MYO6: variants seen among roughly 807,000 people sequenced by gnomAD.
The protein encoded by MYO6 is unconventional myosin-VI.
Under a neutral mutation model 178.7 loss-of-function variants are expected in MYO6, and 74 were observed. That is an observed-to-expected ratio of 0.41 (90% CI 0.34 to 0.50). MYO6 has a LOEUF of 0.50. Among genes scored for constraint, MYO6 ranks in the 20% least tolerant of loss-of-function variants. The probability of loss-of-function intolerance (pLI) is 0.09; values close to 1 mark genes in which losing one functional copy is unlikely to be tolerated. For missense variants in MYO6, 1,330 were observed against 1,547.4 expected (o/e 0.86, Z 2.36); for synonymous variants, 477 against 504.6 (o/e 0.95, Z 0.73).
intron 1 of MYO6, among the ~76,000 whole-genome samples, chr6:75,809,245 T>C (rs1361784319): frequency 6.6e-6 from 1 of 152,180 alleles, no homozygotes; most frequent in African/African-American, 2.4e-5. Flanking sequence ...GGCTTAGTGA[T>C]GTTGGGGTTC....
At chr6:75,904,847 A>G (rs1045033201) in intron 30 of MYO6, among the ~76,000 whole-genome samples, 1 of 151,874 alleles carries the variant, frequency 6.6e-6, no homozygotes, top group Non-Finnish European at 1.5e-5. Context: ...TTTCTTCCCC[A>G]TCTTTGTGGT....
Position 75,857,227 on chromosome 6 carries a change from A to G in MYO6, c.1354A>G (p.Ile452Val). The change falls in exon 13 of 35, where the codon ATT (isoleucine) becomes GTT (valine). Residue 452 changes from isoleucine (I) to valine (V), a missense_variant. Ile to Val is a conservative substitution (Grantham distance 29). Transcript: ENST00000369977. ...CFPFETSSYF[I>V]GVLDIAGFEY... ...TCCTTTTGAAACATCATCCTATTTT[A>G]TTGGAGTCCTAGATATTGCTGGTTT... The G allele has an allele frequency of 6.2e-7, 1 of 1,613,830 alleles. No individual in the cohort carries two copies. The highest frequency in any genetic ancestry group is 8.5e-7 in the Non-Finnish European group (1 of 1,179,810).
intron 9 of MYO6, among the ~76,000 whole-genome samples, chr6:75,844,611 T>C (rs1237179471): frequency 6.6e-6 from 1 of 152,150 alleles, no homozygotes; most frequent in Non-Finnish European, 1.5e-5. Flanking sequence ...TGAAAAGATA[T>C]AAAATTGTTG....
chr6:75,825,451 A>C (rs935345313), intron 3 of MYO6, among the ~76,000 whole-genome samples: 8 of 152,002 alleles, frequency 5.3e-5, no homozygotes, highest in African/African-American at 1.9e-4. Flanking sequence ...AAATTAGTTG[A>C]GCATGGTGGT....
intron 1 of MYO6, among the ~76,000 whole-genome samples, chr6:75,810,821 G>T (rs1439754144): frequency 1.3e-5 from 2 of 152,192 alleles, no homozygotes; most frequent in Non-Finnish European, 2.9e-5. Context: ...AGGCCTCAGA[G>T]GAGCCTAATT....
At chr6:75,907,250 C>T (rs1486344159) in intron 30 of MYO6, among the ~76,000 whole-genome samples, 1 of 152,106 alleles carries the variant, frequency 6.6e-6, no homozygotes, top group Admixed American at 6.6e-5. Flanking sequence ...TTGAGGATTT[C>T]TTTCTTGATT....
chr6:75,849,860 T>C lies in MYO6; in HGVS notation c.1078+1329T>C, dbSNP rs953616815. On this transcript the variant is annotated intron_variant, in intron 11 of 34. Coordinates refer to ENST00000369977, the MANE Select transcript of MYO6 (RefSeq NM_004999.4). ...TTTACTTTATGACCTTGCAGCGGCT[T>C]GGCAAAGGAGACGGGAATTTACGGG... 3.3e-5 allele frequency among the ~76,000 whole-genome samples: 5 copies of C among 152,162 alleles called. No individual in the cohort carries two copies. The South Asian group carries it at 6.2e-4, about 19-fold the overall frequency.
intron 1 of MYO6, among the ~76,000 whole-genome samples, chr6:75,780,176 C>T (rs1263528298): frequency 2.0e-5 from 3 of 152,186 alleles, no homozygotes; most frequent in Admixed American, 6.6e-5. Flanking sequence ...CGCAGTGGCT[C>T]ATGCCTGTAA....
intron 1 of MYO6, among the ~76,000 whole-genome samples, chr6:75,785,196 AT>A (rs756698106): frequency 5.3e-5 from 8 of 152,162 alleles, no homozygotes; most frequent in Admixed American, 1.3e-4. Flanking sequence ...AGAGGAATGA[AT>A]TTAGTATAAT....
rs201818332 is a variant in MYO6, at chr6:75,757,884, G to GT, written c.-48+8470dup. Among the ~76,000 whole-genome samples the GT allele has an allele frequency of 6.3e-3, 893 of 140,940 alleles. 22 individuals carry two copies. In the East Asian group the frequency reaches 0.077, roughly 12 times the overall value. The allele number at this position is 140,940 out of a possible 152,430, so 92.5% of individuals were successfully genotyped here. A position where few individuals can be genotyped will look rare whatever the true frequency, so the allele number is the denominator to read the frequency against. ...CATTCATTATTATTGTTGTTACTGTGTTTTTTTTTGTCATGTTTAATGTGG... is the reference window on the plus strand; with the variant it reads ...CATTCATTATTATTGTTGTTACTGTGTTTTTTTTTTGTCATGTTTAATGTGG... On this transcript the variant is annotated intron_variant, in intron 1 of 34. Coordinates refer to ENST00000369977, the MANE Select transcript of MYO6 (RefSeq NM_004999.4).
chr6:75,830,186 G>A (rs1268956465), intron 4 of MYO6, among the ~76,000 whole-genome samples: 6 of 152,060 alleles, frequency 3.9e-5, no homozygotes, highest in Non-Finnish European at 7.4e-5. Context: ...TGGATATGCC[G>A]AACTAAAGGT....
At chr6:75,821,587 C>G (rs1230043328) in intron 2 of MYO6, among the ~76,000 whole-genome samples, 1 of 151,422 alleles carries the variant, frequency 6.6e-6, no homozygotes, top group Non-Finnish European at 1.5e-5. Context: ...TGAGGTAGTC[C>G]CAGCAGCGTG....
intron 1 of MYO6, among the ~76,000 whole-genome samples, chr6:75,751,216 G>A (rs985482056): frequency 2.0e-5 from 3 of 152,090 alleles, no homozygotes; most frequent in African/African-American, 7.2e-5. Context: ...ACGTTACGCA[G>A]GAATTGCATC....
At position 75,835,950 on chromosome 6, in the gene MYO6, G is replaced by T; in HGVS notation, c.547G>T (p.Val183Phe). Residue 183 changes from valine to phenylalanine, a missense_variant, in exon 7 of 35, where the codon GTT becomes TTT. Physicochemically the swap from Val to Phe is conservative, Grantham distance 50 (BLOSUM62 -1). This residue lies in a region of MYO6 where 613 missense variants were observed against 816.8 expected (regional missense o/e 0.75). Transcript: ENST00000369977. Reference protein sequence around the residue: ...GTGQDIDDRIVEANPLLEAFG... With the variant: ...GTGQDIDDRIFEANPLLEAFG... ...AGGTCAAGATATTGATGACAGAATTGTTGAAGGTATTGCTAATTTTTCAGT... is the reference window on the plus strand; with the variant it reads ...AGGTCAAGATATTGATGACAGAATTTTTGAAGGTATTGCTAATTTTTCAGT... The T allele has an allele frequency of 6.2e-7, 1 of 1,606,294 alleles. No homozygotes were observed.
chr6:75,843,182 T>C (rs937385895), intron 9 of MYO6, among the ~76,000 whole-genome samples: 3 of 152,216 alleles, frequency 2.0e-5, no homozygotes, highest in African/African-American at 7.2e-5. Flanking sequence ...CCTCTGGTTA[T>C]AATTGAGAGA....
rs576162582 is a variant in MYO6, at chr6:75,782,208, A to T, written c.-48+32785A>T. On this transcript the variant is annotated intron_variant, in intron 1 of 34. Transcript: ENST00000369977. ...GTGCTGGGGATTTTGTTTGAATTTA[A>T]TGATAGACCAAAATGCAATTACTGT... is the stretch of plus-strand genomic sequence containing the variant. Among the ~76,000 whole-genome samples the T allele has an allele frequency of 8.7e-4, 133 of 152,270 alleles. 1 individual carries two copies. The highest frequency in any genetic ancestry group is 3.1e-3 in the African/African-American group (129 of 41,554).
chr6:75,847,477 T>G (rs1177884281), intron 10 of MYO6, among the ~76,000 whole-genome samples: 1 of 151,954 alleles, frequency 6.6e-6, no homozygotes, highest in Admixed American at 6.6e-5. Context: ...CCAGTAACTT[T>G]TATGTTTCTC....
chr6:75,805,802 C>A (rs1039129186), intron 1 of MYO6, among the ~76,000 whole-genome samples: 15 of 151,896 alleles, frequency 9.9e-5, no homozygotes, highest in Non-Finnish European at 2.1e-4. Flanking sequence ...TTATTTTTTT[C>A]TTTTAGTATT....
intron 1 of MYO6, among the ~76,000 whole-genome samples, chr6:75,782,076 A>G (rs1269728296): frequency 6.6e-6 from 1 of 152,116 alleles, no homozygotes; most frequent in Non-Finnish European, 1.5e-5. Context: ...TGAGTCATAT[A>G]AAGTATGGGC....
Sources: allele counts gnomAD v4.1 joint callset (sites outside exome capture counted in the v4.1 genomes callset), GRCh38; gene constraint gnomAD v4.1.1; regional missense constraint gnomAD v4.1.1; transcripts MANE v1.5; gene names NCBI Gene and HGNC (gene_info 2026-07-23, HGNC 2026-07-21).